Variants in MORC4 observed in about 807,000 individuals in gnomAD.
MORC4 encodes the protein MORC family CW-type zinc finger protein 4.
In MORC4, 22 loss-of-function variants were observed where a neutral mutation model predicts 65.5. That is an observed-to-expected ratio of 0.34 (90% CI 0.24 to 0.48). MORC4 has a LOEUF of 0.48. MORC4 is among the 20% of genes least tolerant of loss of function. The pLI is 0.99. For missense variants in MORC4, 624 were observed against 703.0 expected (o/e 0.89, Z 1.27); for synonymous variants, 267 against 255.8 (o/e 1.04, Z -0.42).
chrX:106,991,055 T>G (rs1217716265), intron 3 of MORC4, among the ~76,000 whole-genome samples: 1 of 111,400 alleles, frequency 9.0e-6, no homozygotes, highest in Non-Finnish European at 1.9e-5. Flanking sequence ...GTAAACATAT[T>G]TGGTATGATA....
intron 5 of MORC4, among the ~76,000 whole-genome samples, chrX:106,983,133 G>C (rs2147821931): frequency 8.9e-6 from 1 of 112,126 alleles, no homozygotes; most frequent in Admixed American, 9.5e-5. Context: ...TTTGGATTTT[G>C]TAGCACTTCC....
intron 14 of MORC4, among the ~76,000 whole-genome samples, chrX:106,945,132 A>G (rs1409005641): frequency 3.6e-5 from 4 of 111,781 alleles, no homozygotes; most frequent in Non-Finnish European, 7.5e-5. Flanking sequence ...AATTCTCCCA[A>G]TAAACATGAG....
intron 9 of MORC4, among the ~76,000 whole-genome samples, chrX:106,976,370 AAAGGT>A (rs1297614742): frequency 1.8e-5 from 2 of 112,164 alleles, no homozygotes; most frequent in East Asian, 2.8e-4. Flanking sequence ...CATAATTTCT[AAAGGT>A]AAGGTTTATC....
At chrX:106,990,963 A>G (rs1430650649) in intron 3 of MORC4, among the ~76,000 whole-genome samples, 2 of 111,791 alleles carry the variant, frequency 1.8e-5, no homozygotes, top group Admixed American at 9.4e-5. Context: ...TTCAGTACAT[A>G]TATTACATTA....
At chrX:106,983,176 C>A (rs1281126953) in intron 5 of MORC4, among the ~76,000 whole-genome samples, 1 of 111,978 alleles carries the variant, frequency 8.9e-6, no homozygotes, top group African/African-American at 3.2e-5. Flanking sequence ...GAAAGTCAAC[C>A]TGTATACCAC....
intron 3 of MORC4, among the ~76,000 whole-genome samples, chrX:106,992,774 T>C (rs1935006147): frequency 1.8e-5 from 2 of 112,143 alleles, no homozygotes; most frequent in African/African-American, 3.2e-5. Context: ...TTAATATAAA[T>C]TGGAGGTCTC....
Position 106,993,282 on chromosome X carries a change from A to C in MORC4, c.256T>G (p.Phe86Val). 1 of 1,209,665 alleles carries C rather than the reference A, an allele frequency of 8.3e-7. No individual in the cohort carries two copies. Among genetic ancestry groups the C allele is most frequent in the South Asian group, 1.8e-5 (1 of 56,850 alleles). ...EEVKNKSCLT[F>V]TDDGCGMTPH... ...GTCATCCCACATCCATCATCGGTAA[A>C]GGTCAAACAAGATTTATTCTTGACC... The change falls in exon 3 of 17, where the codon TTT (phenylalanine) becomes GTT (valine). Residue 86 changes from phenylalanine to valine, a missense_variant. Phe to Val is a conservative substitution (Grantham distance 50). Coordinates refer to ENST00000355610, the MANE Select transcript of MORC4 (RefSeq NM_024657.5).
At chrX:106,964,538 A>C (rs887239504) in intron 9 of MORC4, among the ~76,000 whole-genome samples, 1 of 111,905 alleles carries the variant, frequency 8.9e-6, no homozygotes, top group African/African-American at 3.3e-5. Flanking sequence ...CTTAACTCCA[A>C]GTAGGATGAA....
At chrX:106,990,743 C>G (rs915305772) in intron 3 of MORC4, among the ~76,000 whole-genome samples, 51 of 111,444 alleles carry the variant, frequency 4.6e-4, no homozygotes, top group Non-Finnish European at 6.2e-4. Context: ...GTGATTGTAC[C>G]TGCCTGTAAT....
intron 3 of MORC4, among the ~76,000 whole-genome samples, chrX:106,991,181 G>C (rs1934975443): frequency 9.0e-6 from 1 of 111,449 alleles, no homozygotes; most frequent in Admixed American, 9.5e-5. Context: ...CATTTCTTCA[G>C]GGGAGCCTTT....
chrX:106,973,936 G>A (rs1460846041), intron 9 of MORC4, among the ~76,000 whole-genome samples: 1 of 112,040 alleles, frequency 8.9e-6, no homozygotes, highest in African/African-American at 3.2e-5. Context: ...AGCACGCTAC[G>A]ACAGTAAATT....
At chrX:106,958,784 T>C (rs1389961907) in intron 10 of MORC4, among the ~76,000 whole-genome samples, 1 of 111,854 alleles carries the variant, frequency 8.9e-6, no homozygotes, top group Non-Finnish European at 1.9e-5. Context: ...ATAATACTTA[T>C]CCTGGTGGCT....
chrX:106,963,226 T>C (rs1484089135), intron 9 of MORC4, among the ~76,000 whole-genome samples: 2 of 112,110 alleles, frequency 1.8e-5, no homozygotes, highest in African/African-American at 6.5e-5. Context: ...TATGGGAAGA[T>C]GGCAGAATAA....
Position 106,958,449 on chromosome X carries a change from C to G in MORC4, c.1272G>C (p.Gln424His). ...GACACTCATCACACTGAACCCATGT[C>G]TGGTCAGGAACCTTCCTGAATGAAG... ...VARPIPKVPD[Q>H]TWVQCDECLK... The change falls in exon 11 of 17, where the codon CAG (glutamine) becomes CAC (histidine). Residue 424 changes from glutamine to histidine, a missense_variant. Transcript: ENST00000355610. 8.3e-7 allele frequency: 1 copy of G among 1,206,137 alleles called. No individual in the cohort carries two copies. Among genetic ancestry groups the G allele is most frequent in the Non-Finnish European group, 1.1e-6 (1 of 892,381 alleles).
At chrX:106,947,093 CATTT>C (rs1933847334) in intron 14 of MORC4, among the ~76,000 whole-genome samples, 1 of 110,481 alleles carries the variant, frequency 9.1e-6, no homozygotes, top group African/African-American at 3.3e-5. Context: ...TTCTTCTACC[CATTT>C]ATTTTGGAAA....
chrX:106,972,235 C>T (rs1303539239), intron 9 of MORC4, among the ~76,000 whole-genome samples: 9 of 111,013 alleles, frequency 8.1e-5, no homozygotes, highest in African/African-American at 3.0e-4. Flanking sequence ...CCAAACACCG[C>T]ATGTTCTCAC....
Position 106,969,870 on chromosome X carries a change from G to A in MORC4, c.1157+6714C>T, listed in dbSNP as rs375260958. On this transcript the variant is annotated intron_variant, in intron 9 of 16. Transcript: ENST00000355610. The stretch of plus-strand genomic sequence containing the variant: ...AACCAAAAAAAGTCCAGGACCAGAT[G>A]GATTCACAGCTGAATTCTACCAGAG... Among the ~76,000 whole-genome samples the A allele has an allele frequency of 2.4e-3, 269 of 111,600 alleles. 4 individuals carry two copies. The highest frequency in any genetic ancestry group is 8.4e-3 in the African/African-American group (258 of 30,709).
intron 9 of MORC4, among the ~76,000 whole-genome samples, chrX:106,972,928 AAAACAAAC>A (rs762994907): frequency 2.7e-5 from 3 of 112,735 alleles, no homozygotes; most frequent in Non-Finnish European, 5.6e-5. Context: ...CTCCATCTCA[AAAACAAAC>A]AAACAAACAA....
chrX:106,978,428 C>T (rs183612934), intron 7 of MORC4, among the ~76,000 whole-genome samples: 59 of 110,794 alleles, frequency 5.3e-4, no homozygotes, highest in African/African-American at 1.8e-3. Context: ...GGCCCACAAA[C>T]GTTAAGGAAT....
Sources: allele counts gnomAD v4.1 joint callset (sites outside exome capture counted in the v4.1 genomes callset), GRCh38; gene constraint gnomAD v4.1.1; transcripts MANE v1.5; gene names NCBI Gene and HGNC (gene_info 2026-07-23, HGNC 2026-07-21).